The following ARHGAP31 variants were observed in gnomAD, a reference collection of about 807,000 sequenced individuals.
ARHGAP31 encodes the protein rho GTPase-activating protein 31.
A neutral mutation model predicts 113.9 loss-of-function variants in ARHGAP31; 34 were observed. The ratio of observed to expected loss-of-function variants is 0.30; its 90% CI spans 0.23 to 0.40. The LOEUF is 0.40. ARHGAP31 is among the 10% of genes least tolerant of loss of function. The pLI is 1.00. For synonymous variants in ARHGAP31, 650 were observed against 684.8 expected (o/e 0.95, Z 0.79); for missense variants, 1,548 against 1,767.1 (o/e 0.88, Z 2.22).
intron 1 of ARHGAP31, among the ~76,000 whole-genome samples, chr3:119,303,449 A>C (rs2079602367): frequency 6.6e-6 from 1 of 152,180 alleles, no homozygotes; most frequent in African/African-American, 2.4e-5. Context: ...AAGGCCCCAG[A>C]ACCAACTGAG....
intron 1 of ARHGAP31, chr3:119,329,759 G>A (rs1250063204): frequency 3.1e-6 from 3 of 975,434 alleles, no homozygotes; most frequent in South Asian, 4.7e-5. Context: ...CAGAGCTCAC[G>A]CTCATTCCAC....
chr3:119,416,643 A>C lies in ARHGAP31; in HGVS notation c.*379A>C. Reference sequence around the variant, plus strand: ...AAAGAAGTAATGTTCTTTGAAAGAAAGAAAAATCTCTTGCTGTGTCAAACC... The same window carrying C: ...AAAGAAGTAATGTTCTTTGAAAGAACGAAAAATCTCTTGCTGTGTCAAACC... On this transcript the variant is annotated 3_prime_UTR_variant, in exon 12 of 12. Coordinates refer to ENST00000264245, the MANE Select transcript of ARHGAP31 (RefSeq NM_020754.4). 3.3e-6 allele frequency: 1 copy of C among 303,332 alleles called. No individual in the cohort carries two copies. The highest frequency in any genetic ancestry group is 3.3e-5 in the South Asian group (1 of 30,450). The allele number at this position is 303,332 out of a possible 1,614,324, so 18.8% of individuals were successfully genotyped here.
chr3:119,300,683 A>T (rs1168584829), intron 1 of ARHGAP31, among the ~76,000 whole-genome samples: 1 of 151,914 alleles, frequency 6.6e-6, no homozygotes, highest in Non-Finnish European at 1.5e-5. Flanking sequence ...ACAAAAAAAA[A>T]TTAGCTGAGT....
chr3:119,304,072 G>A (rs1469020598), intron 1 of ARHGAP31, among the ~76,000 whole-genome samples: 11 of 152,136 alleles, frequency 7.2e-5, no homozygotes, highest in Admixed American at 4.6e-4. Flanking sequence ...GGGATTACAG[G>A]TGTAAGCCAC....
chr3:119,303,632 A>T (rs993805406), intron 1 of ARHGAP31, among the ~76,000 whole-genome samples: 2 of 152,152 alleles, frequency 1.3e-5, no homozygotes, highest in Admixed American at 1.3e-4. Context: ...CAAAAGCAAC[A>T]TATACCAGCT....
Position 119,419,425 on chromosome 3 carries a change from A to G in ARHGAP31, c.*3161A>G, listed in dbSNP as rs1216335474. On this transcript the variant is annotated 3_prime_UTR_variant, in exon 12 of 12. Transcript: ENST00000264245. Reference sequence around the variant, plus strand: ...TAATCTAAACCCTAAAATTCAAAATATTGTCCAAGTCAAAAGTCTAGACTC... The same window carrying G: ...TAATCTAAACCCTAAAATTCAAAATGTTGTCCAAGTCAAAAGTCTAGACTC... 1 of 152,182 alleles carries G rather than the reference A, an allele frequency of 6.6e-6. No homozygotes were observed. The highest frequency in any genetic ancestry group is 2.4e-5 in the African/African-American group (1 of 41,428). 9.4% of individuals were successfully genotyped at this position (152,182 alleles called of 1,614,324 possible).
At chr3:119,319,697 A>G (rs1371851863) in intron 1 of ARHGAP31, among the ~76,000 whole-genome samples, 1 of 152,208 alleles carries the variant, frequency 6.6e-6, no homozygotes, top group East Asian at 1.9e-4. Flanking sequence ...AAAAAGAACC[A>G]TGAGCGGTTC....
intron 1 of ARHGAP31, among the ~76,000 whole-genome samples, chr3:119,332,639 A>T (rs963082272): frequency 0.017 from 1,347 of 79,152 alleles, 21 homozygotes; most frequent in South Asian, 0.084. Context: ...TCTCTCTCAC[A>T]CACACACACA....
chr3:119,391,795 G>A (rs1429545775), intron 7 of ARHGAP31, among the ~76,000 whole-genome samples: 2 of 152,118 alleles, frequency 1.3e-5, no homozygotes, highest in Non-Finnish European at 2.9e-5. Flanking sequence ...ACAACTAGGA[G>A]ATGCCAGTCA....
intron 1 of ARHGAP31, among the ~76,000 whole-genome samples, chr3:119,325,992 A>G (rs1241629317): frequency 6.6e-6 from 1 of 152,042 alleles, no homozygotes. Flanking sequence ...GGAGTTCAAC[A>G]CCACCCTGGC....
intron 1 of ARHGAP31, among the ~76,000 whole-genome samples, chr3:119,315,725 G>A (rs1393908781): frequency 6.6e-6 from 1 of 152,164 alleles, no homozygotes; most frequent in Admixed American, 6.5e-5. Flanking sequence ...GGTGCAAAAG[G>A]GGAGCTAGCT....
At chr3:119,350,600 G>GCACT (rs2080102836) in intron 1 of ARHGAP31, among the ~76,000 whole-genome samples, 1 of 152,130 alleles carries the variant, frequency 6.6e-6, no homozygotes, top group Non-Finnish European at 1.5e-5. Context: ...AGTGCAGAGA[G>GCACT]GACCTTCAGA....
chr3:119,416,233 T>C lies in ARHGAP31; in HGVS notation c.4304T>C (p.Leu1435Pro), dbSNP rs564994924. 1.1e-5 allele frequency: 17 copies of C among 1,614,096 alleles called. No individual in the cohort carries two copies. The highest frequency in any genetic ancestry group is 3.3e-5 in the Admixed American group (2 of 60,016). Residue 1435 changes from leucine to proline, a missense_variant, in exon 12 of 12, where the codon CTG becomes CCG. By Grantham distance (98) the Leu-to-Pro change is moderately conservative. Transcript: ENST00000264245. Reference sequence around the variant, plus strand: ...CAGCCTCAGCGGAGATCAGTAATTCTGGATGGAAGAAGTGGGAGGCAAATA... The same window carrying C: ...CAGCCTCAGCGGAGATCAGTAATTCCGGATGGAAGAAGTGGGAGGCAAATA... ...FYQPQRRSVI[L>P]DGRSGRQIE is the part of the protein sequence containing the mutation.
At chr3:119,372,849 G>T (rs892566132) in intron 3 of ARHGAP31, among the ~76,000 whole-genome samples, 1 of 152,178 alleles carries the variant, frequency 6.6e-6, no homozygotes, top group African/African-American at 2.4e-5. Flanking sequence ...CTAGTAGGTG[G>T]AGGTAAAGAT....
Position 119,368,523 on chromosome 3 carries a change from G to A in ARHGAP31, c.348+7G>A, listed in dbSNP as rs1374108262. On this transcript the variant is annotated splice_region_variant and intron_variant, in intron 3 of 11. Transcript: ENST00000264245. The stretch of plus-strand genomic sequence containing the variant: ...GCTCTATGAGAAATTCACGGTGAGT[G>A]TTTGGATTTCCATTATGGTTACTGG... 2 of 1,614,024 alleles carry A rather than the reference G, an allele frequency of 1.2e-6. No individual in the cohort carries two copies. Among genetic ancestry groups the A allele is most frequent in the African/African-American group, 2.7e-5 (2 of 74,918 alleles).
chr3:119,377,686 G>A, intron 3 of ARHGAP31, among the ~76,000 whole-genome samples: 1 of 151,614 alleles, frequency 6.6e-6, no homozygotes, highest in East Asian at 1.9e-4. Context: ...GACACACAGT[G>A]GTTCCTCTGG....
intron 11 of ARHGAP31, 149 bp downstream of exon 11, chr3:119,409,925 G>A (rs1218082579): frequency 1.2e-6 from 1 of 845,376 alleles, no homozygotes; most frequent in African/African-American, 1.7e-5. Flanking sequence ...TGTAATGAAG[G>A]TCTGAGATTT....
chr3:119,402,394 G>A lies in ARHGAP31; in HGVS notation c.1642G>A (p.Ala548Thr). The A allele has an allele frequency of 4.3e-6, 7 of 1,612,868 alleles. No individual in the cohort carries two copies. Among genetic ancestry groups the A allele is most frequent in the Non-Finnish European group, 5.9e-6 (7 of 1,179,676 alleles). Residue 548 changes from alanine (A) to threonine (T), a missense_variant, in exon 10 of 12, where the codon GCA becomes ACA. Coordinates refer to ENST00000264245, the MANE Select transcript of ARHGAP31 (RefSeq NM_020754.4). ...EEKPLGAETS[A>T]ASVPKKAGLE... ...GAAACCGCTGGGAGCTGAGACTTCT[G>A]CAGGTAAGTAGAGGAGAGAGGGTAT... is the stretch of plus-strand genomic sequence containing the variant.
At chr3:119,335,504 T>G (rs761111333) in intron 1 of ARHGAP31, among the ~76,000 whole-genome samples, 7 of 152,186 alleles carry the variant, frequency 4.6e-5, no homozygotes, top group Non-Finnish European at 8.8e-5. Flanking sequence ...CCAGGGGATG[T>G]CTGTGGAAAT....
Sources: allele counts gnomAD v4.1 joint callset (sites outside exome capture counted in the v4.1 genomes callset), GRCh38; gene constraint gnomAD v4.1.1; transcripts MANE v1.5; gene names NCBI Gene and HGNC (gene_info 2026-07-23, HGNC 2026-07-21).